TCEANC2: variants seen among roughly 807,000 people sequenced by gnomAD.
TCEANC2 encodes the protein transcription elongation factor A N-terminal and central domain containing 2, also known as transcription elongation factor A N-terminal and central domain-containing protein 2.
Under a neutral mutation model 22.8 loss-of-function variants are expected in TCEANC2, and 20 were observed. The ratio of observed to expected loss-of-function variants is 0.88; its 90% CI spans 0.62 to 1.28. The LOEUF (loss-of-function observed/expected upper bound fraction) is 1.28, where lower values mean the gene tolerates loss of function less well. Among genes scored for constraint, TCEANC2 ranks in the 50% most tolerant of loss-of-function variants. The pLI is 0.00. For missense variants in TCEANC2, 251 were observed against 249.7 expected (o/e 1.01, Z -0.03); for synonymous variants, 84 against 95.5 (o/e 0.88, Z 0.70).
intron 4 of TCEANC2, among the ~76,000 whole-genome samples, chr1:54,089,017 G>C (rs946051321): frequency 3.9e-5 from 6 of 152,164 alleles, no homozygotes; most frequent in Admixed American, 3.9e-4. Flanking sequence ...AGTGTTGTAG[G>C]AGGCAGGCTT....
chr1:54,072,379 G>T (rs1658072558), intron 3 of TCEANC2, among the ~76,000 whole-genome samples: 1 of 150,176 alleles, frequency 6.7e-6, no homozygotes, highest in South Asian at 2.1e-4. Context: ...TTAAAAATTT[G>T]CTTTATCCCC....
chr1:54,096,809 C>G lies in TCEANC2; in HGVS notation c.*336C>G. 1 of 1,030,330 alleles carries G rather than the reference C, an allele frequency of 9.7e-7. No individual in the cohort carries two copies. The highest frequency in any genetic ancestry group is 1.2e-6 in the Non-Finnish European group (1 of 858,178). The allele number at this position is 1,030,330 out of a possible 1,614,324, so 63.8% of individuals were successfully genotyped here. A position where few individuals can be genotyped will look rare whatever the true frequency, so the allele number is the denominator to read the frequency against. On this transcript the variant is annotated 3_prime_UTR_variant, in exon 5 of 5. Coordinates refer to ENST00000234827, the MANE Select transcript of TCEANC2 (RefSeq NM_153035.3). This position sits in a 1 kb window ranked among gnomAD's most constrained non-coding sequence, Gnocchi z 4.9. ...ACCTCTAAACTTCCCCCATGTCAGT[C>G]AGATGAAGTTACTACTATATTTCAC...
chr1:54,077,174 G>A (rs1371748061), intron 3 of TCEANC2, among the ~76,000 whole-genome samples: 1 of 152,120 alleles, frequency 6.6e-6, no homozygotes, highest in African/African-American at 2.4e-5. Context: ...GGGAAAATGG[G>A]GATGCCCTGA....
chr1:54,087,953 T>C (rs1658371466), intron 3 of TCEANC2, among the ~76,000 whole-genome samples: 1 of 152,214 alleles, frequency 6.6e-6, no homozygotes, highest in Non-Finnish European at 1.5e-5. Flanking sequence ...TCTTTTTCTT[T>C]TGGGGAAGAG....
At chr1:54,057,121 C>T (rs889136753) in intron 2 of TCEANC2, among the ~76,000 whole-genome samples, 2 of 151,904 alleles carry the variant, frequency 1.3e-5, no homozygotes, top group African/African-American at 4.8e-5. Context: ...CAAACCTCTT[C>T]CTTGTTCTCC....
At chr1:54,094,663 A>C (rs1460337760) in intron 4 of TCEANC2, among the ~76,000 whole-genome samples, 1 of 152,202 alleles carries the variant, frequency 6.6e-6, no homozygotes, top group East Asian at 1.9e-4. Flanking sequence ...CCAAGGGCTG[A>C]GCCTGCCTTA....
chr1:54,106,664 T>A (rs934406895), downstream of TCEANC2, among the ~76,000 whole-genome samples: 10 of 152,192 alleles, frequency 6.6e-5, no homozygotes, highest in Admixed American at 3.9e-4. Flanking sequence ...CTGAGACATA[T>A]TGTTAAGTGA....
At chr1:54,079,251 G>A (rs956594727) in intron 3 of TCEANC2, among the ~76,000 whole-genome samples, 2 of 152,024 alleles carry the variant, frequency 1.3e-5, no homozygotes, top group African/African-American at 2.4e-5. Context: ...TCACATCTAT[G>A]ACCTTGTTTG....
chr1:54,064,814 C>A (rs1433143673), intron 2 of TCEANC2, among the ~76,000 whole-genome samples: 1 of 150,822 alleles, frequency 6.6e-6, no homozygotes, highest in Non-Finnish European at 1.5e-5. Flanking sequence ...ATTCTTGTGC[C>A]TCAGCCTCCC....
chr1:54,066,019 G>C (rs899106862), intron 2 of TCEANC2, among the ~76,000 whole-genome samples: 2 of 150,808 alleles, frequency 1.3e-5, no homozygotes, highest in African/African-American at 4.9e-5. Flanking sequence ...GGGGGCGGAG[G>C]TTGCAGTGAG....
At chr1:54,073,523 C>G (rs1450646777) in intron 3 of TCEANC2, among the ~76,000 whole-genome samples, 1 of 152,158 alleles carries the variant, frequency 6.6e-6, no homozygotes, top group African/African-American at 2.4e-5. Flanking sequence ...GTGCACCCTT[C>G]TAGCCTCTGC....
intron 2 of TCEANC2, among the ~76,000 whole-genome samples, chr1:54,066,229 A>G (rs1305315896): frequency 1.3e-5 from 2 of 152,174 alleles, no homozygotes; most frequent in Non-Finnish European, 2.9e-5. Context: ...CAGCCTGTGC[A>G]ACAGAGTGAG....
intron 3 of TCEANC2, 67 bp from the exon 4 acceptor site, chr1:54,088,530 T>C: frequency 7.4e-7 from 1 of 1,359,222 alleles, no homozygotes; most frequent in Non-Finnish European, 1.0e-6. Context: ...CGTCAGTCCA[T>C]CTAGTCCTGC....
intron 3 of TCEANC2, among the ~76,000 whole-genome samples, chr1:54,080,030 T>G (rs2100372968): frequency 6.6e-6 from 1 of 152,262 alleles, no homozygotes; most frequent in East Asian, 1.9e-4. Context: ...CCAACTAAAT[T>G]AGCATTGTCT....
chr1:54,054,096 G>A (rs1657687083), intron 1 of TCEANC2: 2 of 450,058 alleles, frequency 4.4e-6, no homozygotes, highest in Non-Finnish European at 7.5e-6. Flanking sequence ...CGCTCTAGCG[G>A]GGATTCCAAT....
chr1:54,054,038 C>T, intron 1 of TCEANC2: 1 of 278,610 alleles, frequency 3.6e-6, no homozygotes, highest in Non-Finnish European at 6.6e-6. Context: ...CTAATGTAAT[C>T]CTAACCCTTT....
At chr1:54,061,516 C>A (rs114252953) in intron 2 of TCEANC2, among the ~76,000 whole-genome samples, 2,391 of 152,178 alleles carry the variant, frequency 0.016, 59 homozygotes, top group African/African-American at 0.054. Context: ...TTATTGAGTC[C>A]ATTTTTATGG....
chr1:54,075,445 G>A (rs1036470452), intron 3 of TCEANC2, among the ~76,000 whole-genome samples: 1 of 152,224 alleles, frequency 6.6e-6, no homozygotes, highest in Non-Finnish European at 1.5e-5. Flanking sequence ...AAACATGCTA[G>A]AATGTAATAT....
intron 2 of TCEANC2, among the ~76,000 whole-genome samples, chr1:54,059,725 A>G (rs943078949): frequency 2.0e-5 from 3 of 152,188 alleles, no homozygotes; most frequent in African/African-American, 7.2e-5. Flanking sequence ...ATATCTTATT[A>G]TGTTCTGATC....
Sources: allele counts gnomAD v4.1 joint callset (sites outside exome capture counted in the v4.1 genomes callset), GRCh38; gene constraint gnomAD v4.1.1; non-coding constraint Gnocchi (gnomAD v3.1); transcripts MANE v1.5; gene names NCBI Gene and HGNC (gene_info 2026-07-23, HGNC 2026-07-21).